The following LRRC7 variants were observed in gnomAD, a reference collection of about 807,000 sequenced individuals.
LRRC7 encodes leucine rich repeat containing 7, also known as leucine-rich repeat-containing protein 7.
Under a neutral mutation model 175.7 loss-of-function variants are expected in LRRC7, and 23 were observed. The ratio of observed to expected loss-of-function variants is 0.13; its 90% CI spans 0.09 to 0.19. LRRC7 has a LOEUF of 0.19. Among genes scored for constraint, LRRC7 ranks in the 10% least tolerant of loss-of-function variants. LRRC7 has a pLI of 1.00. For synonymous variants in LRRC7, 685 were observed against 680.9 expected, an observed-to-expected ratio of 1.01 and a Z score of -0.09; for missense variants, 1,354 against 1,904.7, an observed-to-expected ratio of 0.71 and a Z score of 5.38.
intron 1 of LRRC7, among the ~76,000 whole-genome samples, chr1:69,612,634 T>C (rs1473730682): frequency 6.6e-6 from 1 of 152,070 alleles, no homozygotes; most frequent in East Asian, 1.9e-4. Context: ...GTAAGGAATT[T>C]CTGGATATTG....
intron 11 of LRRC7, 79 bp from the exon 12 acceptor site, chr1:70,011,718 A>G: frequency 1.0e-6 from 1 of 971,720 alleles, no homozygotes; most frequent in Non-Finnish European, 1.6e-6. Flanking sequence ...TGTTTTGGTG[A>G]ATTTTGGATA....
intron 11 of LRRC7, among the ~76,000 whole-genome samples, chr1:70,007,842 T>A (rs1333245857): frequency 6.6e-6 from 1 of 152,166 alleles, no homozygotes; most frequent in African/African-American, 2.4e-5. Flanking sequence ...TTTATGTATA[T>A]AAGTTTGCCT....
intron 2 of LRRC7, among the ~76,000 whole-genome samples, chr1:69,699,639 A>G (rs1663087618): frequency 6.6e-6 from 1 of 152,188 alleles, no homozygotes; most frequent in Admixed American, 6.6e-5. Flanking sequence ...AGTAGCATCT[A>G]GAAATTCAAT....
At chr1:69,916,552 C>A (rs1002202742) in intron 7 of LRRC7, among the ~76,000 whole-genome samples, 1 of 151,692 alleles carries the variant, frequency 6.6e-6, no homozygotes, top group Non-Finnish European at 1.5e-5. Flanking sequence ...TTAAAATAGG[C>A]CTGTCAGGAT....
At chr1:70,036,004 A>C in intron 18 of LRRC7, 117 bp from the exon 19 acceptor site, 1 of 708,258 alleles carries the variant, frequency 1.4e-6, no homozygotes, top group Non-Finnish European at 2.3e-6. Flanking sequence ...AGTGCCTCAC[A>C]GTGAACTGAA....
rs544336962 is a variant in LRRC7 at position 69,589,428 on chromosome 1, A to G, written c.2+20787A>G. Among the ~76,000 whole-genome samples the G allele has an allele frequency of 2.6e-5, 4 of 152,182 alleles. No individual in the cohort carries two copies. The South Asian group carries it at 8.3e-4, about 32-fold the overall frequency. On this transcript the variant is annotated intron_variant, in intron 1 of 26. Transcript: ENST00000651989. ...CTCACATCAGAAACATTTAGCTCAG[A>G]CGCGTTCATGTCTCACTAGGGTATG...
At chr1:69,865,474 T>TTTTTTTTTTTTTTTTTTTTTG (rs1684833079) in intron 7 of LRRC7, among the ~76,000 whole-genome samples, 1 of 81,832 alleles carries the variant, frequency 1.2e-5, no homozygotes, top group Non-Finnish European at 2.6e-5. Flanking sequence ...AGTTCCTTTT[T>TTTTTTTTTTTTTTTTTTTTTG]TTTTTTTTTT....
chr1:70,005,049 C>T (rs1472938883), intron 11 of LRRC7, among the ~76,000 whole-genome samples: 1 of 151,582 alleles, frequency 6.6e-6, no homozygotes, highest in Non-Finnish European at 1.5e-5. Context: ...AGGTACTCTA[C>T]CTCGTAACAG....
Position 69,684,861 on chromosome 1 carries a change from G to A in LRRC7, c.100+6383G>A, listed in dbSNP as rs148315195. Among the ~76,000 whole-genome samples, 910 of 152,298 alleles carry A rather than the reference G, an allele frequency of 6.0e-3. 9 individuals carry two copies. The highest frequency in any genetic ancestry group is 0.02 in the African/African-American group (851 of 41,570). On this transcript the variant is annotated intron_variant, in intron 2 of 26. Coordinates refer to ENST00000651989, the MANE Select transcript of LRRC7 (RefSeq NM_001370785.2). The stretch of plus-strand genomic sequence containing the variant: ...ATTCTATAATCCCAATCGACAGGCA[G>A]TTCAATTCACCTGCAGAAACAGAAC...
intron 2 of LRRC7, among the ~76,000 whole-genome samples, chr1:69,753,935 C>T (rs998541588): frequency 6.6e-6 from 1 of 151,960 alleles, no homozygotes; most frequent in Non-Finnish European, 1.5e-5. Flanking sequence ...AGGAAATGTA[C>T]CTTTGTGCCT....
chr1:69,752,371 A>C (rs1453709534), intron 2 of LRRC7, among the ~76,000 whole-genome samples: 1 of 152,180 alleles, frequency 6.6e-6, no homozygotes, highest in Admixed American at 6.6e-5. Context: ...GAAATCTTGG[A>C]AAGACTGAAC....
At chr1:69,912,654 C>T (rs190081049) in intron 7 of LRRC7, among the ~76,000 whole-genome samples, 92 of 152,166 alleles carry the variant, frequency 6.0e-4, no homozygotes, top group African/African-American at 1.9e-3. Context: ...GCTGTGTAAT[C>T]GTGAGTTAGG....
intron 1 of LRRC7, among the ~76,000 whole-genome samples, chr1:69,591,637 A>G (rs975783817): frequency 1.3e-5 from 2 of 152,042 alleles, no homozygotes; most frequent in African/African-American, 4.8e-5. Flanking sequence ...TATCACCAAG[A>G]TAAATATTTT....
chr1:70,024,861 A>G (rs1221314819), intron 17 of LRRC7, among the ~76,000 whole-genome samples: 1 of 152,170 alleles, frequency 6.6e-6, no homozygotes, highest in East Asian at 1.9e-4. Flanking sequence ...AGAACTTCCA[A>G]ACATAATACA....
intron 1 of LRRC7, among the ~76,000 whole-genome samples, chr1:69,602,024 C>A (rs1647094449): frequency 6.6e-6 from 1 of 152,088 alleles, no homozygotes; most frequent in African/African-American, 2.4e-5. Context: ...TTCTTATATA[C>A]CTGTCATTTA....
intron 8 of LRRC7, among the ~76,000 whole-genome samples, chr1:69,963,316 A>AAG (rs1322393213): frequency 6.6e-6 from 1 of 151,444 alleles, no homozygotes; most frequent in African/African-American, 2.4e-5. Context: ...AAAAAAAAAA[A>AAG]AAAGAAAGAA....
At chr1:69,774,859 C>G (rs1344896051) in intron 3 of LRRC7, among the ~76,000 whole-genome samples, 1 of 150,648 alleles carries the variant, frequency 6.6e-6, no homozygotes, top group Non-Finnish European at 1.5e-5. Flanking sequence ...AATACACGAT[C>G]TCTACAATTG....
intron 3 of LRRC7, among the ~76,000 whole-genome samples, chr1:69,771,601 A>T (rs757942774): frequency 1.3e-5 from 2 of 152,094 alleles, no homozygotes; most frequent in Non-Finnish European, 2.9e-5. Flanking sequence ...GATACAAAAA[A>T]CTCAAGATTT....
In LRRC7 at chr1:70,038,339, A is replaced by G. The variant is rs1465387393; in HGVS notation, c.2515A>G (p.Ser839Gly). Residue 839 changes from serine (S) to glycine (G), a missense_variant, in exon 21 of 27, where the codon AGC becomes GGC. Around this residue, in one of 4 missense-constraint regions of LRRC7, gnomAD observed 1,032 missense variants for 1,227.2 expected, o/e 0.84. Transcript: ENST00000651989. Reference protein sequence around the residue: ...SNPLLSSKSRSTSSHGRRPLI... With the variant: ...SNPLLSSKSRGTSSHGRRPLI... ...TCCTCTCTTAAGTTCGAAATCTAGA[A>G]GCACATCTTCGCATGGACGCAGGCC... 1.2e-6 allele frequency: 2 copies of G among 1,614,160 alleles called. No homozygotes were observed. The highest frequency in any genetic ancestry group is 2.2e-5 in the East Asian group (1 of 44,866).
Sources: gnomAD v4.1 joint callset for allele counts (sites outside exome capture counted in the v4.1 genomes callset) on GRCh38, gnomAD v4.1.1 for gene constraint, gnomAD v4.1.1 regional missense constraint, MANE v1.5 for transcripts, NCBI Gene and HGNC (gene_info 2026-07-23, HGNC 2026-07-21) for gene names.